Variants in PTPRD observed in about 807,000 individuals in gnomAD.
PTPRD encodes protein tyrosine phosphatase receptor type D, also known as receptor-type tyrosine-protein phosphatase delta.
In PTPRD, 34 loss-of-function variants were observed where a neutral mutation model predicts 214.5. That is an observed-to-expected ratio of 0.16 (90% CI 0.12 to 0.21). PTPRD has a LOEUF of 0.21. Ranked by LOEUF, PTPRD falls within the 10% of genes least tolerant of loss-of-function variation. PTPRD has a pLI of 1.00. For missense variants in PTPRD, 2,545 were observed against 2,398.7 expected, an observed-to-expected ratio of 1.06 and a Z score of -1.27; for synonymous variants, 1,128 against 845.7, an observed-to-expected ratio of 1.33 and a Z score of -5.79.
chr9:10,002,788 A>G (rs1014595573), intron 4 of PTPRD, among the ~76,000 whole-genome samples: 1 of 151,428 alleles, frequency 6.6e-6, no homozygotes, highest in Non-Finnish European at 1.5e-5. Flanking sequence ...GAAAAAGTAG[A>G]TGATAAAAAA....
intron 30 of PTPRD, among the ~76,000 whole-genome samples, chr9:8,471,486 T>A (rs963857478): frequency 2.0e-5 from 3 of 152,166 alleles, no homozygotes; most frequent in Non-Finnish European, 4.4e-5. Flanking sequence ...AGGATATAGA[T>A]GAAAAATTTC....
At position 8,948,010 on chromosome 9, in the gene PTPRD, G is replaced by C. The variant is rs1405280035; in HGVS notation, c.-104+70687C>G. Among the ~76,000 whole-genome samples, 3 of 134,872 alleles carry C rather than the reference G, an allele frequency of 2.2e-5. No individual in the cohort carries two copies. The South Asian group carries it at 8.1e-4, about 36-fold the overall frequency. 88.5% of individuals were successfully genotyped at this position (134,872 alleles called of 152,430 possible). On this transcript the variant is annotated intron_variant, in intron 11 of 45. Transcript: ENST00000381196. ...TCCAGACCTTATACCCAGAGTCTGG[G>C]CTCTCTCTCTCTTTTTTTTTTTTTT...
chr9:9,269,679 G>C (rs1376500133), intron 9 of PTPRD, among the ~76,000 whole-genome samples: 1 of 151,338 alleles, frequency 6.6e-6, no homozygotes, highest in African/African-American at 2.4e-5. Context: ...TCAGCATTAA[G>C]AAATAAGAAA....
intron 2 of PTPRD, among the ~76,000 whole-genome samples, chr9:10,410,251 G>GCGTATATA (rs2098419590): frequency 6.3e-5 from 2 of 31,556 alleles, no homozygotes; most frequent in Admixed American, 2.5e-4. Context: ...GACATATTTT[G>GCGTATATA]TGTATATATA....
chr9:9,217,838 G>T (rs1346437108), intron 9 of PTPRD, among the ~76,000 whole-genome samples: 1 of 152,090 alleles, frequency 6.6e-6, no homozygotes, highest in African/African-American at 2.4e-5. Flanking sequence ...TATGTTTTCT[G>T]ATAAAGTATT....
intron 44 of PTPRD, among the ~76,000 whole-genome samples, chr9:8,325,927 G>A (rs532372286): frequency 6.6e-6 from 1 of 152,298 alleles, no homozygotes; most frequent in East Asian, 1.9e-4. Flanking sequence ...TTTGTATCCT[G>A]AGACTTTCCT....
chr9:8,589,418 C>T (rs1258460780), intron 14 of PTPRD, among the ~76,000 whole-genome samples: 1 of 152,200 alleles, frequency 6.6e-6, no homozygotes, highest in Non-Finnish European at 1.5e-5. Flanking sequence ...ATCACAGCGA[C>T]TTTCTGACTT....
At chr9:8,967,324 C>T (rs376922522) in intron 11 of PTPRD, among the ~76,000 whole-genome samples, 43 of 151,808 alleles carry the variant, frequency 2.8e-4, no homozygotes, top group African/African-American at 9.7e-4. Flanking sequence ...AACAAATCAT[C>T]CTACTAAATG....
chr9:8,986,383 A>G (rs965876325), intron 11 of PTPRD, among the ~76,000 whole-genome samples: 2 of 152,026 alleles, frequency 1.3e-5, no homozygotes, highest in Non-Finnish European at 2.9e-5. Context: ...CCACTAAAAT[A>G]CAAATCAAGA....
chr9:9,341,124 G>GTA (rs58244188), intron 9 of PTPRD, among the ~76,000 whole-genome samples: 9,682 of 150,360 alleles, frequency 0.064, 893 homozygotes, highest in African/African-American at 0.21. Context: ...ATATTTATGT[G>GTA]TATATATATA....
chr9:9,346,077 A>G (rs1432111912), intron 9 of PTPRD, among the ~76,000 whole-genome samples: 1 of 152,132 alleles, frequency 6.6e-6, no homozygotes, highest in Non-Finnish European at 1.5e-5. Flanking sequence ...TCCCTCACGT[A>G]GTGCTGTGGA....
chr9:9,490,687 T>C (rs1336929015), intron 8 of PTPRD, among the ~76,000 whole-genome samples: 1 of 151,782 alleles, frequency 6.6e-6, no homozygotes, highest in African/African-American at 2.4e-5. Context: ...CAGGATATAA[T>C]TACCATGGTA....
rs143417914 is a variant in PTPRD, at chr9:10,469,803, A to G, written c.-599-128786T>C. On this transcript the variant is annotated intron_variant, in intron 2 of 45. Transcript: ENST00000381196. ...GATAAAGAAAATGTCATATGTATACATAATGGAATATTATTCAGCCATAGA... is the reference window on the plus strand; with the variant it reads ...GATAAAGAAAATGTCATATGTATACGTAATGGAATATTATTCAGCCATAGA... Among the ~76,000 whole-genome samples, 128 of 152,336 alleles carry G rather than the reference A, an allele frequency of 8.4e-4. 2 individuals are homozygous for G. The highest frequency in any genetic ancestry group is 3.0e-3 in the African/African-American group (125 of 41,592).
At chr9:10,401,110 G>T (rs1202542364) in intron 2 of PTPRD, among the ~76,000 whole-genome samples, 1 of 151,494 alleles carries the variant, frequency 6.6e-6, no homozygotes, top group African/African-American at 2.4e-5. Context: ...TCCTCAGTTA[G>T]GTACCTTACT....
intron 9 of PTPRD, among the ~76,000 whole-genome samples, chr9:9,235,192 A>G (rs1180558626): frequency 6.6e-6 from 1 of 152,128 alleles, no homozygotes; most frequent in South Asian, 2.1e-4. Flanking sequence ...TAAAACCATC[A>G]TATCTTATGC....
chr9:10,100,643 G>A (rs949617327), intron 3 of PTPRD, among the ~76,000 whole-genome samples: 5 of 151,588 alleles, frequency 3.3e-5, no homozygotes, highest in African/African-American at 9.7e-5. Context: ...AATACTAATG[G>A]TAACAGAAAT....
chr9:10,330,752 T>C (rs2096734377), intron 3 of PTPRD, among the ~76,000 whole-genome samples: 1 of 151,812 alleles, frequency 6.6e-6, no homozygotes, highest in Non-Finnish European at 1.5e-5. Context: ...GCAGCTTGCA[T>C]GCATCCCTGG....
intron 11 of PTPRD, among the ~76,000 whole-genome samples, chr9:8,856,308 G>C (rs1236251155): frequency 6.6e-6 from 1 of 152,106 alleles, no homozygotes; most frequent in Non-Finnish European, 1.5e-5. Context: ...CTTTGAAACA[G>C]AGAAAAAAAT....
chr9:9,734,834 C>T (rs1025104377), intron 6 of PTPRD, among the ~76,000 whole-genome samples: 15 of 151,942 alleles, frequency 9.9e-5, no homozygotes, highest in African/African-American at 3.1e-4. Context: ...ATTTAGGTGA[C>T]GATAATTATT....
Sources: allele counts gnomAD v4.1 joint callset (sites outside exome capture counted in the v4.1 genomes callset), GRCh38; gene constraint gnomAD v4.1.1; transcripts MANE v1.5; gene names NCBI Gene and HGNC (gene_info 2026-07-23, HGNC 2026-07-21).